Variants in DLEU7 observed in about 807,000 individuals in gnomAD.
DLEU7 encodes deleted in lymphocytic leukemia 7.
Under a neutral mutation model 16.0 loss-of-function variants are expected in DLEU7, and 17 were observed. The ratio of observed to expected loss-of-function variants is 1.06; its 90% CI spans 0.73 to 1.59. The LOEUF (loss-of-function observed/expected upper bound fraction) is 1.59. Among genes scored for constraint, DLEU7 ranks in the 40% most tolerant of loss-of-function variants. The pLI is 0.00. For synonymous variants in DLEU7, 113 were observed against 139.8 expected (o/e 0.81, Z 1.35); for missense variants, 308 against 314.9 (o/e 0.98, Z 0.17).
At chr13:50,739,840 A>C (rs760417050) in intron 1 of DLEU7, among the ~76,000 whole-genome samples, 4 of 152,164 alleles carry the variant, frequency 2.6e-5, no homozygotes, top group Admixed American at 1.3e-4. Flanking sequence ...CCTTTTGGCC[A>C]AATGCTTAGA....
intron 1 of DLEU7, among the ~76,000 whole-genome samples, chr13:50,816,073 C>G (rs1876726567): frequency 6.6e-6 from 1 of 152,076 alleles, no homozygotes; most frequent in Non-Finnish European, 1.5e-5. Flanking sequence ...ATTCATTAAT[C>G]TCATCTCAGC....
downstream of DLEU7, chr13:50,711,698 A>C (rs1873288053): frequency 6.6e-6 from 1 of 150,792 alleles, no homozygotes; most frequent in South Asian, 2.1e-4. Flanking sequence ...ATTATTAAGG[A>C]CATTTTATGT....
At chr13:50,828,391 A>C in intron 1 of DLEU7, among the ~76,000 whole-genome samples, 1 of 152,234 alleles carries the variant, frequency 6.6e-6, no homozygotes, top group East Asian at 1.9e-4. Flanking sequence ...TGTGTGACTT[A>C]GAAAACCCAC....
intron 1 of DLEU7, among the ~76,000 whole-genome samples, chr13:50,839,426 G>A (rs1877576372): frequency 6.6e-6 from 1 of 152,204 alleles, no homozygotes; most frequent in Non-Finnish European, 1.5e-5. Context: ...TGTTCAAAAG[G>A]AGTATTGTGT....
In DLEU7 at chr13:50,823,064, T is replaced by C; in HGVS notation, c.*250A>G. 3.3e-6 allele frequency: 4 copies of C among 1,226,024 alleles called. No individual in the cohort carries two copies. In the South Asian group the frequency reaches 6.9e-5, roughly 21 times the overall value. The allele number at this position is 1,226,024 out of a possible 1,614,324, so 75.9% of individuals were successfully genotyped here. A position where few individuals can be genotyped will look rare whatever the true frequency, so the allele number is the denominator to read the frequency against. Reference sequence around the variant, plus strand: ...CAAATCAGCTTCACAAAGTAGAATGTATTTCAATCAGAAAGTCAGCAAATA... The same window carrying C: ...CAAATCAGCTTCACAAAGTAGAATGCATTTCAATCAGAAAGTCAGCAAATA... On this transcript the variant is annotated 3_prime_UTR_variant, in exon 2 of 2. Transcript: ENST00000504404.
At chr13:50,824,589 G>C (rs1877021907) in intron 1 of DLEU7, among the ~76,000 whole-genome samples, 1 of 152,134 alleles carries the variant, frequency 6.6e-6, no homozygotes, top group Non-Finnish European at 1.5e-5. Flanking sequence ...CTCTTGGGCT[G>C]GGTTTGGGAT....
intron 1 of DLEU7, among the ~76,000 whole-genome samples, chr13:50,776,661 G>A (rs1875506064): frequency 6.6e-6 from 1 of 152,042 alleles, no homozygotes; most frequent in African/African-American, 2.4e-5. Context: ...TCCAGGAAAG[G>A]CATACCATCA....
chr13:50,750,856 G>A (rs550720850), intron 1 of DLEU7, among the ~76,000 whole-genome samples: 4 of 152,210 alleles, frequency 2.6e-5, no homozygotes, highest in Admixed American at 2.0e-4. Context: ...TAGGGTTTTC[G>A]AGGTAAACAA....
Position 50,843,261 on chromosome 13 carries a change from G to T in DLEU7, c.386C>A (p.Ser129Ter). 1 of 1,592,446 alleles carries T rather than the reference G, an allele frequency of 6.3e-7. No individual in the cohort carries two copies. The highest frequency in any genetic ancestry group is 2.4e-5 in the East Asian group (1 of 42,102). ...SALARVVDSTSELVSVEQTLL... is the reference protein window; with the variant it reads ...SALARVVDST Reference sequence around the variant, plus strand: ...CGTCTGCTCCACGCTGACCAGCTCCGAAGTCGAGTCCACCACGCGGGCCAG... The same window carrying T: ...CGTCTGCTCCACGCTGACCAGCTCCTAAGTCGAGTCCACCACGCGGGCCAG... The change falls in exon 1 of 2, where the codon TCG becomes TAG. Residue 129 changes from serine to a stop codon, truncating the protein, a stop_gained. Transcript: ENST00000504404. LOFTEE classifies it high-confidence loss of function. The surrounding 1 kb of genome is among the most constrained non-coding windows in gnomAD (Gnocchi z 5.7).
chr13:50,711,790 CTACCTA>C (rs200935809), downstream of DLEU7: 78,745 of 122,284 alleles, frequency 0.64, 28,041 homozygotes, highest in African/African-American at 0.84. Flanking sequence ...GGGGGCATTA[CTACCTA>C]TACCTACATG....
intron 1 of DLEU7, among the ~76,000 whole-genome samples, chr13:50,797,894 A>G (rs146584013): frequency 3.8e-4 from 58 of 152,308 alleles, no homozygotes; most frequent in African/African-American, 1.3e-3. Context: ...ATTGTCCCCT[A>G]TTGTTAGGAA....
At chr13:50,814,705 A>ACACG (rs1876673980) in intron 1 of DLEU7, among the ~76,000 whole-genome samples, 1 of 130,196 alleles carries the variant, frequency 7.7e-6, no homozygotes, top group South Asian at 2.5e-4. Context: ...ACACACACAC[A>ACACG]CTCGCATGAA....
At chr13:50,713,180 G>A in exon 2 of DLEU7, 1 of 1,605,880 alleles carries the variant, frequency 6.2e-7, no homozygotes, top group Non-Finnish European at 8.5e-7. Context: ...GAAATATGAA[G>A]CTCCTGATGG....
At chr13:50,749,367 T>C (rs917912714) in intron 1 of DLEU7, among the ~76,000 whole-genome samples, 16 of 152,210 alleles carry the variant, frequency 1.1e-4, no homozygotes, top group African/African-American at 3.9e-4. Flanking sequence ...TTCCACAATT[T>C]TGCAACTGCA....
Position 50,731,955 on chromosome 13 carries a change from G to A in DLEU7, c.460-18715C>T, listed in dbSNP as rs368340153. On this transcript the variant is annotated intron_variant, in intron 1 of 1. Coordinates refer to the DLEU7 transcript ENST00000400393. Reference sequence around the variant, plus strand: ...TAATCTACACATATGTATATTAATTGCATAAAACTGAAAAGAAAATTATAT... The same window carrying A: ...TAATCTACACATATGTATATTAATTACATAAAACTGAAAAGAAAATTATAT... Among the ~76,000 whole-genome samples, 116 of 152,106 alleles carry A rather than the reference G, an allele frequency of 7.6e-4. 1 individual carries two copies. The highest frequency in any genetic ancestry group is 3.4e-3 in the Middle Eastern group (1 of 294).
intron 1 of DLEU7, among the ~76,000 whole-genome samples, chr13:50,759,514 ACTTTG>A (rs5803531): frequency 0.47 from 70,945 of 151,468 alleles, 17,519 homozygotes; most frequent in African/African-American, 0.62. Flanking sequence ...TTTATGAAGC[ACTTTG>A]TACACTCTAA....
intron 1 of DLEU7, among the ~76,000 whole-genome samples, chr13:50,779,711 C>G (rs1330405488): frequency 2.6e-5 from 4 of 152,134 alleles, no homozygotes; most frequent in African/African-American, 7.2e-5. Flanking sequence ...CTGCATCCAG[C>G]CCCCAGGGGA....
At chr13:50,794,924 TA>T (rs1876067480) in intron 1 of DLEU7, among the ~76,000 whole-genome samples, 1 of 151,472 alleles carries the variant, frequency 6.6e-6, no homozygotes, top group Admixed American at 6.6e-5. Context: ...ATTATGTGAT[TA>T]TATATTATGT....
intron 1 of DLEU7, among the ~76,000 whole-genome samples, chr13:50,796,739 T>G (rs1156236882): frequency 6.6e-6 from 1 of 152,062 alleles, no homozygotes. Context: ...TGAAAACCTC[T>G]TATGTCCAGT....
Sources: gnomAD v4.1 joint callset for allele counts (sites outside exome capture counted in the v4.1 genomes callset) on GRCh38, gnomAD v4.1.1 for gene constraint, Gnocchi (gnomAD v3.1) non-coding constraint, MANE v1.5 for transcripts, NCBI Gene and HGNC (gene_info 2026-07-23, HGNC 2026-07-21) for gene names.